The following ZRANB1 variants were observed in gnomAD, a reference collection of about 807,000 sequenced individuals.
ZRANB1 encodes the protein zinc finger RANBP2-type containing 1.
Under a neutral mutation model 80.5 loss-of-function variants are expected in ZRANB1, and 16 were observed. The ratio of observed to expected loss-of-function variants is 0.20; its 90% CI spans 0.13 to 0.30. ZRANB1 has a LOEUF of 0.30. Among genes scored for constraint, ZRANB1 ranks in the 10% least tolerant of loss-of-function variants. ZRANB1 has a pLI of 1.00. For missense variants in ZRANB1, 576 were observed against 862.6 expected, an observed-to-expected ratio of 0.67 and a Z score of 4.16; for synonymous variants, 291 against 293.1, an observed-to-expected ratio of 0.99 and a Z score of 0.07.
At chr10:124,931,712 A>G in the ZRANB1 span, among the ~76,000 whole-genome samples, 1 of 152,200 alleles carries the variant, frequency 6.6e-6, no homozygotes, top group Non-Finnish European at 1.5e-5. Flanking sequence ...AGTTCACAAC[A>G]AAATTGAGCA....
chr10:124,949,422 T>C (rs1456577091), intron 1 of ZRANB1, among the ~76,000 whole-genome samples: 1 of 144,924 alleles, frequency 6.9e-6, no homozygotes, highest in Non-Finnish European at 1.5e-5. Flanking sequence ...CACATATATA[T>C]GTATATATAT....
intron 6 of ZRANB1, among the ~76,000 whole-genome samples, 194 bp from the exon 7 acceptor site, chr10:124,982,981 A>G (rs1951953141): frequency 6.6e-6 from 1 of 152,246 alleles, no homozygotes; most frequent in African/African-American, 2.4e-5. Context: ...TGATATTTGC[A>G]TGTAGCCTTT....
chr10:124,947,972 C>T (rs908350452), intron 1 of ZRANB1, among the ~76,000 whole-genome samples: 1 of 152,176 alleles, frequency 6.6e-6, no homozygotes, highest in Non-Finnish European at 1.5e-5. Context: ...AAAAACTCTA[C>T]AAGGCCATCT....
At chr10:124,975,112 G>T (rs1951864929) in intron 5 of ZRANB1, among the ~76,000 whole-genome samples, 1 of 152,116 alleles carries the variant, frequency 6.6e-6, no homozygotes, top group Non-Finnish European at 1.5e-5. Flanking sequence ...TTGAATATTT[G>T]TGTTCACATA....
At chr10:124,964,384 C>G (rs1275233239) in intron 1 of ZRANB1, among the ~76,000 whole-genome samples, 3 of 152,144 alleles carry the variant, frequency 2.0e-5, no homozygotes, top group Admixed American at 2.0e-4. Context: ...GAGAGGAAAT[C>G]TTAAGAATTT....
Position 124,987,788 on chromosome 10 carries a change from A to G in ZRANB1, c.*2796A>G, listed in dbSNP as rs557319265. The stretch of plus-strand genomic sequence containing the variant: ...TTGTTTTAATTGGGAAGGGAAGTAT[A>G]AGGAAGAGCTCAGAGGGAGTTTCAT... On this transcript the variant is annotated 3_prime_UTR_variant, in exon 9 of 9. Coordinates refer to ENST00000359653, the MANE Select transcript of ZRANB1 (RefSeq NM_017580.3). 2.0e-5 allele frequency: 3 copies of G among 152,332 alleles called. No homozygotes were observed. The highest frequency in any genetic ancestry group is 7.2e-5 in the African/African-American group (3 of 41,572). 9.4% of individuals were successfully genotyped at this position (152,332 alleles called of 1,614,324 possible).
the ZRANB1 span, among the ~76,000 whole-genome samples, chr10:124,932,281 A>AT: frequency 2.1e-4 from 24 of 115,304 alleles, 1 homozygote; most frequent in Middle Eastern, 4.2e-3. Flanking sequence ...GGGTGTAAAG[A>AT]TTTTTTTTTT....
Position 124,986,131 on chromosome 10 carries a change from TAAG to T in ZRANB1, c.*1143_*1145del, listed in dbSNP as rs942386405. The T allele has an allele frequency of 3.3e-5, 5 of 152,650 alleles. No homozygotes were observed. The highest frequency in any genetic ancestry group is 7.3e-5 in the Non-Finnish European group (5 of 68,044). The allele number at this position is 152,650 out of a possible 1,614,324, so 9.5% of individuals were successfully genotyped here. A position where few individuals can be genotyped will look rare whatever the true frequency, so the allele number is the denominator to read the frequency against. Reference sequence around the variant, plus strand: ...AATCTTAGGTAGAAAAACTTTTTTATAAGAAGTATTATTTGACCACTTCAGGTA... The same window carrying T: ...AATCTTAGGTAGAAAAACTTTTTTATAAGTATTATTTGACCACTTCAGGTA... On this transcript the variant is annotated 3_prime_UTR_variant, in exon 9 of 9. Coordinates refer to ENST00000359653, the MANE Select transcript of ZRANB1 (RefSeq NM_017580.3).
At chr10:124,973,362 G>A (rs908284496) in intron 3 of ZRANB1, among the ~76,000 whole-genome samples, 29 of 151,858 alleles carry the variant, frequency 1.9e-4, no homozygotes, top group Admixed American at 1.9e-3. Context: ...TTGCCGTGTT[G>A]CCCAGGCTGG....
At chr10:124,944,330 C>A (rs1020123478) in intron 1 of ZRANB1, among the ~76,000 whole-genome samples, 21 of 152,140 alleles carry the variant, frequency 1.4e-4, no homozygotes, top group African/African-American at 4.8e-4. Flanking sequence ...TTTAACTATA[C>A]CTTAGCTGTA....
intron 2 of ZRANB1, among the ~76,000 whole-genome samples, chr10:124,969,185 TC>T (rs1423910699): frequency 2.6e-5 from 4 of 152,212 alleles, no homozygotes; most frequent in African/African-American, 9.6e-5. Context: ...AAGAGAGTGA[TC>T]CAGTGTCTTT....
In ZRANB1 at chr10:124,972,047, C is replaced by G. The variant is rs749505876; in HGVS notation, c.1085C>G (p.Ser362Cys). The G allele has an allele frequency of 1.2e-6, 2 of 1,613,860 alleles. No homozygotes were observed. The highest frequency in any genetic ancestry group is 2.2e-5 in the South Asian group (2 of 91,052). Residue 362 changes from serine to cysteine, a missense_variant, in exon 3 of 9, where the codon TCT (serine) becomes TGT (cysteine). By Grantham distance (112) the Ser-to-Cys change is moderately radical. Coordinates refer to ENST00000359653, the MANE Select transcript of ZRANB1 (RefSeq NM_017580.3). ...TEQIRREIAASLHQRKGDFAC... is the reference protein window; with the variant it reads ...TEQIRREIAACLHQRKGDFAC... Reference sequence around the variant, plus strand: ...CAAATCCGGAGAGAGATAGCTGCCTCTCTTCATCAGAGAAAGGGGGATTTT... The same window carrying G: ...CAAATCCGGAGAGAGATAGCTGCCTGTCTTCATCAGAGAAAGGGGGATTTT...
intron 1 of ZRANB1, among the ~76,000 whole-genome samples, chr10:124,957,992 A>G (rs1485598167): frequency 2.0e-5 from 3 of 151,770 alleles, no homozygotes; most frequent in African/African-American, 7.3e-5. Context: ...GGCCTCCCAA[A>G]GTGTTGGGAT....
intron 1 of ZRANB1, among the ~76,000 whole-genome samples, chr10:124,965,512 A>G (rs1326276209): frequency 6.6e-6 from 1 of 152,190 alleles, no homozygotes; most frequent in African/African-American, 2.4e-5. Context: ...TAATGGTAGA[A>G]AATTGTTGCA....
rs2241541 is a variant in ZRANB1, at chr10:124,983,104, T to C, written c.1549-71T>C. ...CGATAGTATACTGAAGGGGAGGTAG[T>C]ATTGTTTTTTACACATCAGTTTTCC... On this transcript the variant is annotated intron_variant, in intron 6 of 8. Coordinates refer to ENST00000359653, the MANE Select transcript of ZRANB1 (RefSeq NM_017580.3). This position sits in a 1 kb window ranked among gnomAD's most constrained non-coding sequence, Gnocchi z 6.2. 218,342 of 1,488,580 alleles carry C rather than the reference T, an allele frequency of 0.15. 16,676 individuals carry two copies. The highest frequency in any genetic ancestry group is 0.23 in the East Asian group (9,770 of 43,274). 92.2% of individuals were successfully genotyped at this position (1,488,580 alleles called of 1,614,324 possible). A position where few individuals can be genotyped will look rare whatever the true frequency, so the allele number is the denominator to read the frequency against.
At position 124,983,321 on chromosome 10, in the gene ZRANB1, G is replaced by GA; in HGVS notation, c.1678+19dup. 3.7e-6 allele frequency: 6 copies of GA among 1,612,624 alleles called. No individual in the cohort carries two copies. Among genetic ancestry groups the GA allele is most frequent in the Non-Finnish European group, 3.4e-6 (4 of 1,179,316 alleles). The stretch of plus-strand genomic sequence containing the variant: ...GGTTTCAAGGTAAGCCATTATTCAG[G>GA]AACGTTTTACAAGTTTCTTTGAACG... On this transcript the variant is annotated intron_variant, in intron 7 of 8. Coordinates refer to ENST00000359653, the MANE Select transcript of ZRANB1 (RefSeq NM_017580.3). This position sits in a 1 kb window ranked among gnomAD's most constrained non-coding sequence, Gnocchi z 6.2.
At chr10:124,924,310 AAG>A in the ZRANB1 span, among the ~76,000 whole-genome samples, 1 of 152,032 alleles carries the variant, frequency 6.6e-6, no homozygotes. Context: ...AAAAAAAAAA[AAG>A]CAGCTTCATT....
chr10:124,965,556 C>G (rs2134280431), intron 1 of ZRANB1, among the ~76,000 whole-genome samples: 1 of 152,276 alleles, frequency 6.6e-6, no homozygotes, highest in South Asian at 2.1e-4. Context: ...AGGAATATGT[C>G]TGATCTAATT....
At chr10:124,919,908 GCCCC>G in the ZRANB1 span, among the ~76,000 whole-genome samples, 1 of 56,682 alleles carries the variant, frequency 1.8e-5, no homozygotes, top group East Asian at 7.7e-4. Flanking sequence ...ACCGCGCCCG[GCCCC>G]CCCCCCCCCT....
Sources: gnomAD v4.1 joint callset for allele counts (sites outside exome capture counted in the v4.1 genomes callset) on GRCh38, gnomAD v4.1.1 for gene constraint, Gnocchi (gnomAD v3.1) non-coding constraint, MANE v1.5 for transcripts, NCBI Gene and HGNC (gene_info 2026-07-23, HGNC 2026-07-21) for gene names.